The following CNIH3 variants were observed in gnomAD, a reference collection of about 807,000 sequenced individuals.
CNIH3 encodes the protein cornichon family AMPA receptor auxiliary protein 3.
Under a neutral mutation model 24.1 loss-of-function variants are expected in CNIH3, and 14 were observed. The ratio of observed to expected loss-of-function variants is 0.58; its 90% CI spans 0.38 to 0.91. The LOEUF is 0.91. Among genes scored for constraint, CNIH3 ranks in the 40% least tolerant of loss-of-function variants. The pLI, the probability that CNIH3 is intolerant of heterozygous loss-of-function variation, is 0.00. For missense variants in CNIH3, 178 were observed against 196.8 expected (o/e 0.90, Z 0.57); for synonymous variants, 68 against 73.8 (o/e 0.92, Z 0.40).
At chr1:224,657,135 T>C (rs1488960646) in intron 1 of CNIH3, among the ~76,000 whole-genome samples, 3 of 152,128 alleles carry the variant, frequency 2.0e-5, no homozygotes, top group Non-Finnish European at 4.4e-5. Flanking sequence ...GCCAGGGTGG[T>C]ATGGCTACCT....
chr1:224,668,620 G>A (rs1050913952), intron 1 of CNIH3, among the ~76,000 whole-genome samples: 3 of 152,136 alleles, frequency 2.0e-5, no homozygotes, highest in Non-Finnish European at 1.5e-5. Context: ...GACCCTTGAG[G>A]CCTAGGTGTC....
intron 1 of CNIH3, among the ~76,000 whole-genome samples, chr1:224,633,589 T>C (rs1033656007): frequency 1.3e-5 from 2 of 152,230 alleles, no homozygotes; most frequent in Admixed American, 6.5e-5. Flanking sequence ...TAGCCAGATT[T>C]CGATCTCTGT....
At chr1:224,680,826 G>A in intron 1 of CNIH3, 132 bp from the exon 2 acceptor site, 1 of 679,898 alleles carries the variant, frequency 1.5e-6, no homozygotes, top group East Asian at 2.7e-5. Flanking sequence ...GTGACCAGCT[G>A]CTGGCCAATC....
chr1:224,486,567 A>G (rs1303576183), intron 1 of CNIH3, among the ~76,000 whole-genome samples: 1 of 152,206 alleles, frequency 6.6e-6, no homozygotes, highest in Non-Finnish European at 1.5e-5. Flanking sequence ...TTATATGCCT[A>G]TATATACATG....
chr1:224,686,335 T>C (rs1041796161), intron 3 of CNIH3, among the ~76,000 whole-genome samples: 23 of 152,078 alleles, frequency 1.5e-4, no homozygotes, highest in African/African-American at 5.6e-4. Flanking sequence ...AGGACATGAA[T>C]TCATCCTTTT....
chr1:224,435,109 T>G, intron 1 of CNIH3: 6 of 985,722 alleles, frequency 6.1e-6, no homozygotes, highest in Non-Finnish European at 7.2e-6. Flanking sequence ...AGAGTTGGCG[T>G]GCGTGCGTGA....
At chr1:224,469,123 C>G (rs907186440) in intron 1 of CNIH3, among the ~76,000 whole-genome samples, 2 of 151,944 alleles carry the variant, frequency 1.3e-5, no homozygotes, top group African/African-American at 4.8e-5. Context: ...TTCTGTCACT[C>G]AGGCTGGAGT....
At chr1:224,568,086 T>C (rs2124995256) in intron 4 of CNIH3, among the ~76,000 whole-genome samples, 1 of 152,162 alleles carries the variant, frequency 6.6e-6, no homozygotes, top group East Asian at 1.9e-4. Context: ...GGTCAGGAGA[T>C]CAAGACCATC....
chr1:224,563,137 CTATTATTAA>C (rs1680442968), intron 3 of CNIH3, among the ~76,000 whole-genome samples: 1 of 151,652 alleles, frequency 6.6e-6, no homozygotes, highest in African/African-American at 2.4e-5. Context: ...TCATTACTCA[CTATTATTAA>C]TACAAAGCAA....
intron 1 of CNIH3, among the ~76,000 whole-genome samples, chr1:224,640,838 T>C (rs1444254781): frequency 1.3e-5 from 2 of 151,990 alleles, no homozygotes; most frequent in Non-Finnish European, 2.9e-5. Context: ...TGAGTGGTCG[T>C]TAAGGGGCAG....
intron 1 of CNIH3, among the ~76,000 whole-genome samples, chr1:224,638,556 C>A (rs1196918116): frequency 6.6e-6 from 1 of 152,152 alleles, no homozygotes; most frequent in Admixed American, 6.5e-5. Context: ...CATTCTGGGC[C>A]CCAGTTTCCT....
intron 1 of CNIH3, among the ~76,000 whole-genome samples, chr1:224,476,125 C>G (rs1394395112): frequency 1.3e-5 from 2 of 152,072 alleles, no homozygotes. Context: ...TAGGACAGAC[C>G]CACAGCTAAT....
chr1:224,734,837 C>T, intron 5 of CNIH3, 131 bp downstream of exon 5: 1 of 918,308 alleles, frequency 1.1e-6, no homozygotes, highest in South Asian at 1.5e-5. Flanking sequence ...AGGTGTAGTC[C>T]CAGCTGTCTG....
Position 224,700,633 on chromosome 1 carries a change from A to T in CNIH3, c.198+15790A>T, listed in dbSNP as rs568070238. 3.3e-5 allele frequency among the ~76,000 whole-genome samples: 5 copies of T among 152,308 alleles called. No homozygotes were observed. The East Asian group carries it at 9.7e-4, about 29-fold the overall frequency. On this transcript the variant is annotated intron_variant, in intron 3 of 5. Coordinates refer to ENST00000272133, the MANE Select transcript of CNIH3 (RefSeq NM_152495.2). ...ATTGGGTTTTATTGTGTTTATCAAGATCAAAAGCAAAGTTATCCTCAGTAA... is the reference window on the plus strand; with the variant it reads ...ATTGGGTTTTATTGTGTTTATCAAGTTCAAAAGCAAAGTTATCCTCAGTAA...
intron 1 of CNIH3, among the ~76,000 whole-genome samples, chr1:224,516,477 A>G (rs1037370810): frequency 8.5e-5 from 13 of 152,148 alleles, no homozygotes; most frequent in African/African-American, 3.1e-4. Context: ...GAGGGCAGGT[A>G]TGGCATCTTA....
intron 1 of CNIH3, among the ~76,000 whole-genome samples, chr1:224,492,844 C>T (rs114470931): frequency 8.0e-4 from 122 of 152,226 alleles, no homozygotes; most frequent in Non-Finnish European, 1.1e-3. Flanking sequence ...ATTTTTTTGA[C>T]GTTTCTTCAA....
intron 3 of CNIH3, among the ~76,000 whole-genome samples, chr1:224,598,362 G>A (rs1682073671): frequency 6.6e-6 from 1 of 152,190 alleles, no homozygotes; most frequent in South Asian, 2.1e-4. Context: ...AGCAAAGAAA[G>A]TGGTTTCTTG....
At chr1:224,588,968 G>GTTTTT (rs974335950), downstream of CNIH3, among the ~76,000 whole-genome samples, 3 of 112,346 alleles carry the variant, frequency 2.7e-5, no homozygotes, top group African/African-American at 7.5e-5. Flanking sequence ...CTGACCCCCT[G>GTTTTT]TTTTTTTTTT....
rs1682986988 is a variant in CNIH3 at position 224,616,379 on chromosome 1, C to T, written c.-796C>T. The stretch of plus-strand genomic sequence containing the variant: ...CAGCAGCAGGTGGAGCGAGCTACAG[C>T]GTTTGGCCTGAAACCCACTGCTGCA... On this transcript the variant is annotated 5_prime_UTR_variant, in exon 1 of 6. Transcript: ENST00000272133. 2 of 742,208 alleles carry T rather than the reference C, an allele frequency of 2.7e-6. No individual in the cohort carries two copies. Among genetic ancestry groups the T allele is most frequent in the Non-Finnish European group, 3.4e-6 (2 of 594,984 alleles). The allele number at this position is 742,208 out of a possible 1,614,324, so 46.0% of individuals were successfully genotyped here.
Sources: gnomAD v4.1 joint callset for allele counts (sites outside exome capture counted in the v4.1 genomes callset) on GRCh38, gnomAD v4.1.1 for gene constraint, MANE v1.5 for transcripts, NCBI Gene and HGNC (gene_info 2026-07-23, HGNC 2026-07-21) for gene names.